The following RGL1 variants were observed in gnomAD, a reference collection of about 807,000 sequenced individuals.
The protein encoded by RGL1 is ral guanine nucleotide dissociation stimulator-like 1.
A neutral mutation model predicts 95.2 loss-of-function variants in RGL1; 24 were observed. The observed-to-expected ratio is 0.25, with a 90% CI of 0.18 to 0.35. RGL1 has a LOEUF of 0.35. Among genes scored for constraint, RGL1 ranks in the 10% least tolerant of loss-of-function variants. The pLI is 1.00. For missense variants in RGL1, 715 were observed against 936.3 expected, an observed-to-expected ratio of 0.76 and a Z score of 3.08; for synonymous variants, 329 against 344.9, an observed-to-expected ratio of 0.95 and a Z score of 0.51.
intron 3 of RGL1, among the ~76,000 whole-genome samples, chr1:183,851,709 T>C (rs1664835800): frequency 6.6e-6 from 1 of 152,222 alleles, no homozygotes; most frequent in African/African-American, 2.4e-5. Flanking sequence ...CTGCAGAAAT[T>C]GGGATTTGTT....
chr1:183,825,520 A>G (rs955352201), intron 2 of RGL1, among the ~76,000 whole-genome samples: 1 of 152,166 alleles, frequency 6.6e-6, no homozygotes, highest in African/African-American at 2.4e-5. Context: ...AAAAACAAGT[A>G]ACATCCTGTC....
At chr1:183,892,291 A>C (rs1316873485) in intron 9 of RGL1, 130 bp downstream of exon 9, 1 of 616,506 alleles carries the variant, frequency 1.6e-6, no homozygotes, top group Non-Finnish European at 2.7e-6. Context: ...GAAGGCAAAA[A>C]ATTTTTTTAA....
At chr1:183,808,115 G>A (rs893058309) in intron 2 of RGL1, among the ~76,000 whole-genome samples, 1 of 152,160 alleles carries the variant, frequency 6.6e-6, no homozygotes, top group Non-Finnish European at 1.5e-5. Flanking sequence ...CATTAGTTAT[G>A]AGTAAGTCAT....
intron 1 of RGL1, among the ~76,000 whole-genome samples, chr1:183,727,098 C>A (rs1656353727): frequency 6.6e-6 from 1 of 151,864 alleles, no homozygotes; most frequent in African/African-American, 2.4e-5. Flanking sequence ...GAACATGGAC[C>A]AACAATCTTC....
At chr1:183,774,578 T>C (rs1225987454) in intron 2 of RGL1, among the ~76,000 whole-genome samples, 2 of 48,134 alleles carry the variant, frequency 4.2e-5, no homozygotes, top group East Asian at 8.5e-3. Flanking sequence ...TTTTTCCTTT[T>C]TTTTTTTTTT....
intron 2 of RGL1, among the ~76,000 whole-genome samples, chr1:183,756,192 AT>A (rs34988129): frequency 6.9e-4 from 97 of 140,290 alleles, no homozygotes; most frequent in Non-Finnish European, 7.1e-4. Flanking sequence ...GCCTGAGTTC[AT>A]TTTTTTTTTT....
chr1:183,850,239 TTATC>T (rs1664750914), intron 3 of RGL1, among the ~76,000 whole-genome samples: 1 of 152,326 alleles, frequency 6.6e-6, no homozygotes, highest in South Asian at 2.1e-4. Flanking sequence ...TAATTATTGA[TTATC>T]TAATTATAAC....
At chr1:183,884,972 G>T in intron 7 of RGL1, 34 bp downstream of exon 7, 1 of 1,573,644 alleles carries the variant, frequency 6.4e-7, no homozygotes, top group Non-Finnish European at 8.7e-7. Flanking sequence ...CTTTGTGTTT[G>T]GTAGATGCAA....
chr1:183,905,380 A>G (rs981318810), intron 13 of RGL1, among the ~76,000 whole-genome samples: 1 of 152,036 alleles, frequency 6.6e-6, no homozygotes, highest in Admixed American at 6.6e-5. Context: ...GAAGCTTTCA[A>G]CCTAGAGGGG....
chr1:183,816,382 A>G (rs1208472815), intron 2 of RGL1, among the ~76,000 whole-genome samples: 1 of 152,200 alleles, frequency 6.6e-6, no homozygotes, highest in Non-Finnish European at 1.5e-5. Flanking sequence ...TTCTTGCACC[A>G]TCAGTTTCAA....
chr1:183,666,375 C>T (rs944975623), intron 1 of RGL1, among the ~76,000 whole-genome samples: 7 of 151,912 alleles, frequency 4.6e-5, no homozygotes, highest in Non-Finnish European at 1.0e-4. Context: ...TTTGCTGCAT[C>T]CCCCAAATTT....
intron 2 of RGL1, among the ~76,000 whole-genome samples, chr1:183,777,826 G>T (rs1558201468): frequency 6.6e-6 from 1 of 152,140 alleles, no homozygotes; most frequent in Admixed American, 6.5e-5. Flanking sequence ...ATTGTCGTTT[G>T]AGTTTTATGT....
At chr1:183,913,615 C>T (rs946496019) in intron 15 of RGL1, among the ~76,000 whole-genome samples, 6 of 152,198 alleles carry the variant, frequency 3.9e-5, no homozygotes, top group Non-Finnish European at 7.3e-5. Context: ...ACCAAGCTTA[C>T]TCAATAGTGA....
intron 16 of RGL1, among the ~76,000 whole-genome samples, chr1:183,919,111 T>C (rs1669164727): frequency 6.6e-6 from 1 of 152,242 alleles, no homozygotes; most frequent in Non-Finnish European, 1.5e-5. Context: ...TGAGAAACTT[T>C]CAAAATGTTG....
chr1:183,693,876 C>T (rs572858412), intron 1 of RGL1, among the ~76,000 whole-genome samples: 101 of 152,296 alleles, frequency 6.6e-4, no homozygotes, highest in Middle Eastern at 3.4e-3. Flanking sequence ...TTGGAATAGA[C>T]TTTAAGTTGA....
At chr1:183,691,354 T>C (rs1229778457) in intron 1 of RGL1, among the ~76,000 whole-genome samples, 1 of 152,230 alleles carries the variant, frequency 6.6e-6, no homozygotes, top group Non-Finnish European at 1.5e-5. Context: ...TTTCTACTTC[T>C]GGGTGAGTGT....
At chr1:183,891,547 A>C (rs1334895292) in intron 8 of RGL1, among the ~76,000 whole-genome samples, 4 of 152,146 alleles carry the variant, frequency 2.6e-5, no homozygotes, top group Admixed American at 6.5e-5. Flanking sequence ...ATCCGGTTCC[A>C]CCATTCTCTG....
At chr1:183,828,716 T>A (rs1423093338) in intron 2 of RGL1, among the ~76,000 whole-genome samples, 1 of 152,222 alleles carries the variant, frequency 6.6e-6, no homozygotes, top group Non-Finnish European at 1.5e-5. Flanking sequence ...CCAAAGATAA[T>A]GATTCCCAAT....
In RGL1 at chr1:183,669,915, G is replaced by A. The variant is rs769303927; in HGVS notation, c.-33+33414G>A. On this transcript the variant is annotated intron_variant, in intron 1 of 18. Transcript: ENST00000304685. ...CTCATGAGAACTCACTCACTGTCATGAGAACAGCAGCATGGGGGTAACCAC... is the reference window on the plus strand; with the variant it reads ...CTCATGAGAACTCACTCACTGTCATAAGAACAGCAGCATGGGGGTAACCAC... Among the ~76,000 whole-genome samples, 5 of 152,260 alleles carry A rather than the reference G, an allele frequency of 3.3e-5. No homozygotes were observed. In the East Asian group the frequency reaches 9.7e-4, roughly 29 times the overall value.
Sources: allele counts gnomAD v4.1 joint callset (sites outside exome capture counted in the v4.1 genomes callset), GRCh38; gene constraint gnomAD v4.1.1; transcripts MANE v1.5; gene names NCBI Gene and HGNC (gene_info 2026-07-23, HGNC 2026-07-21).